The following DCAF6 variants were observed in gnomAD, a reference collection of about 807,000 sequenced individuals.
DCAF6 encodes DDB1 and CUL4 associated factor 6, also known as DDB1- and CUL4-associated factor 6.
Under a neutral mutation model 125.1 loss-of-function variants are expected in DCAF6, and 54 were observed. The observed-to-expected ratio is 0.43, with a 90% CI of 0.35 to 0.54. DCAF6 has a LOEUF of 0.54. Ranked by LOEUF, DCAF6 falls within the 20% of genes least tolerant of loss-of-function variation. DCAF6 has a pLI of 0.01. For synonymous variants in DCAF6, 371 were observed against 390.4 expected (o/e 0.95, Z 0.58); for missense variants, 934 against 1,161.7 (o/e 0.80, Z 2.85).
At position 167,943,480 on chromosome 1, in the gene DCAF6, C is replaced by T. The variant is rs949408727; in HGVS notation, c.97+6472C>T. On this transcript the variant is annotated intron_variant, in intron 1 of 21. Transcript: ENST00000367840. ...GTGTTAGGTTTATCCTTAAATATTT[C>T]ATATTTGTAATGCTATTTTAGATGA... 2.6e-5 allele frequency among the ~76,000 whole-genome samples: 4 copies of T among 152,110 alleles called. No homozygotes were observed. In the East Asian group the frequency reaches 5.8e-4, roughly 22 times the overall value.
At chr1:168,003,774 T>A in intron 8 of DCAF6, 96 bp from the exon 9 acceptor site, 1 of 1,100,240 alleles carries the variant, frequency 9.1e-7, no homozygotes, top group South Asian at 1.9e-5. Flanking sequence ...TTTAAAAATA[T>A]GCTTTCATTT....
intron 3 of DCAF6, chr1:167,969,304 A>G (rs1409024838): frequency 1.3e-5 from 2 of 152,202 alleles, no homozygotes; most frequent in Non-Finnish European, 2.9e-5. Context: ...ATCTTCAGCC[A>G]AGTAGTTTAA....
chr1:168,025,239 A>T (rs1686190119), intron 12 of DCAF6, among the ~76,000 whole-genome samples: 1 of 152,194 alleles, frequency 6.6e-6, no homozygotes. Flanking sequence ...TTTACATATG[A>T]TATGGGATAT....
intron 11 of DCAF6, among the ~76,000 whole-genome samples, chr1:168,021,293 A>G (rs1330435498): frequency 6.6e-6 from 1 of 152,198 alleles, no homozygotes; most frequent in Non-Finnish European, 1.5e-5. Context: ...AAATGAGGGC[A>G]TAATGAAATG....
intron 20 of DCAF6, 30 bp downstream of exon 20, chr1:168,066,495 C>T (rs748827787): frequency 6.4e-6 from 9 of 1,400,544 alleles, no homozygotes; most frequent in Non-Finnish European, 8.9e-6. Context: ...TACTATAGAC[C>T]ATATTTCAAT....
the DCAF6 span, among the ~76,000 whole-genome samples, chr1:167,865,532 A>T: frequency 6.6e-6 from 1 of 152,254 alleles, no homozygotes; most frequent in African/African-American, 2.4e-5. Flanking sequence ...TTAATAACAC[A>T]CTAATATAAA....
intron 11 of DCAF6, among the ~76,000 whole-genome samples, chr1:168,017,415 C>T (rs947764595): frequency 2.6e-5 from 4 of 151,942 alleles, no homozygotes; most frequent in African/African-American, 9.7e-5. Flanking sequence ...AACTGTCTAA[C>T]AGGAAAGAAG....
intron 14 of DCAF6, 65 bp from the exon 15 acceptor site, chr1:168,044,520 T>G (rs1157088746): frequency 8.5e-7 from 1 of 1,172,070 alleles, no homozygotes; most frequent in Non-Finnish European, 1.3e-6. Context: ...TTTGGTATTT[T>G]CAGCGATTTT....
chr1:167,910,844 C>T, the DCAF6 span, among the ~76,000 whole-genome samples: 754 of 152,230 alleles, frequency 5.0e-3, 5 homozygotes, highest in African/African-American at 0.017. Flanking sequence ...CTTTAGCTAC[C>T]AAGCTTGTAA....
the DCAF6 span, among the ~76,000 whole-genome samples, chr1:167,925,474 T>TATATAC: frequency 1.5e-4 from 15 of 96,816 alleles, no homozygotes; most frequent in South Asian, 1.2e-3. Context: ...TATATATATA[T>TATATAC]ACATATACAT....
intron 4 of DCAF6, among the ~76,000 whole-genome samples, chr1:167,981,195 C>T (rs557825605): frequency 1.7e-4 from 26 of 152,046 alleles, no homozygotes; most frequent in African/African-American, 4.1e-4. Flanking sequence ...CATGAGCCAC[C>T]GCTCCCGGCC....
At chr1:167,909,803 G>A in the DCAF6 span, among the ~76,000 whole-genome samples, 3 of 152,098 alleles carry the variant, frequency 2.0e-5, no homozygotes, top group Non-Finnish European at 4.4e-5. Flanking sequence ...TCAACTTTTA[G>A]TCATCTTGCT....
At chr1:167,939,243 G>T (rs1671857077) in intron 1 of DCAF6, among the ~76,000 whole-genome samples, 2 of 151,570 alleles carry the variant, frequency 1.3e-5, no homozygotes, top group Non-Finnish European at 1.5e-5. Flanking sequence ...ATTAGTGATG[G>T]TTTTTTTTAA....
chr1:167,905,563 C>A, the DCAF6 span, among the ~76,000 whole-genome samples: 1 of 151,688 alleles, frequency 6.6e-6, no homozygotes. Context: ...TCCTTTTACC[C>A]TCTCTCTACC....
intron 12 of DCAF6, among the ~76,000 whole-genome samples, chr1:168,031,538 A>G (rs1687090601): frequency 6.6e-6 from 1 of 152,230 alleles, no homozygotes; most frequent in African/African-American, 2.4e-5. Context: ...AAGAAAAGCA[A>G]TTCAAAACAA....
chr1:167,893,482 G>A, the DCAF6 span, among the ~76,000 whole-genome samples: 3 of 152,038 alleles, frequency 2.0e-5, no homozygotes, highest in Non-Finnish European at 4.4e-5. Flanking sequence ...GGAGGGTGAG[G>A]CGGGCAGATT....
chr1:167,928,319 GA>G, the DCAF6 span, among the ~76,000 whole-genome samples: 3,377 of 91,452 alleles, frequency 0.037, 106 homozygotes, highest in African/African-American at 0.12. Flanking sequence ...CTGCACTCCA[GA>G]AAAAAAAAAA....
intron 13 of DCAF6, among the ~76,000 whole-genome samples, chr1:168,038,795 TAATTAA>T (rs1688148700): frequency 6.6e-6 from 1 of 152,028 alleles, no homozygotes; most frequent in Non-Finnish European, 1.5e-5. Context: ...CTAATAATAA[TAATTAA>T]AATTAGTGCA....
At chr1:167,882,884 A>T in the DCAF6 span, among the ~76,000 whole-genome samples, 1 of 152,200 alleles carries the variant, frequency 6.6e-6, no homozygotes, top group Non-Finnish European at 1.5e-5. Flanking sequence ...TATAATGAGG[A>T]TAATGACAAG....
Sources: gnomAD v4.1 joint callset for allele counts (sites outside exome capture counted in the v4.1 genomes callset) on GRCh38, gnomAD v4.1.1 for gene constraint, MANE v1.5 for transcripts, NCBI Gene and HGNC (gene_info 2026-07-23, HGNC 2026-07-21) for gene names.